The following PRKG2 variants were observed in gnomAD, a reference collection of about 807,000 sequenced individuals.
The protein encoded by PRKG2 is cGMP-dependent protein kinase 2.
PRKG2 carries 33 observed loss-of-function variants against 97.2 expected under a neutral mutation model. The observed-to-expected ratio is 0.34, with a 90% CI of 0.26 to 0.45. The LOEUF is 0.45. Ranked by LOEUF, PRKG2 falls within the 20% of genes least tolerant of loss-of-function variation. The pLI, the probability that PRKG2 is intolerant of heterozygous loss-of-function variation, is 1.00. For missense variants in PRKG2, 638 were observed against 900.0 expected, an observed-to-expected ratio of 0.71 and a Z score of 3.73; for synonymous variants, 330 against 321.8, an observed-to-expected ratio of 1.03 and a Z score of -0.27.
At chr4:81,150,781 C>A (rs775515001) in intron 8 of PRKG2, among the ~76,000 whole-genome samples, 3 of 151,986 alleles carry the variant, frequency 2.0e-5, no homozygotes, top group Non-Finnish European at 2.9e-5. Flanking sequence ...GCGTTAAGAA[C>A]AAAGACACTG....
At chr4:81,155,921 T>C (rs1390988741) in intron 6 of PRKG2, among the ~76,000 whole-genome samples, 1 of 152,034 alleles carries the variant, frequency 6.6e-6, no homozygotes, top group East Asian at 1.9e-4. Context: ...AAAGAGCTCC[T>C]GAAGGAAGCA....
intron 6 of PRKG2, among the ~76,000 whole-genome samples, chr4:81,162,933 C>T (rs2110073940): frequency 6.6e-6 from 1 of 152,260 alleles, no homozygotes; most frequent in East Asian, 1.9e-4. Context: ...TTCTGAAGTG[C>T]TGTTAGGCTG....
At chr4:81,127,584 C>G (rs888264492) in intron 14 of PRKG2, among the ~76,000 whole-genome samples, 5 of 152,064 alleles carry the variant, frequency 3.3e-5, no homozygotes, top group African/African-American at 1.2e-4. Flanking sequence ...GTTTTTTATT[C>G]TCTTTGTAGC....
At chr4:81,153,067 T>C (rs980271073) in intron 7 of PRKG2, among the ~76,000 whole-genome samples, 30 of 152,204 alleles carry the variant, frequency 2.0e-4, no homozygotes, top group African/African-American at 6.8e-4. Context: ...TGAGTCAACA[T>C]TGGAACAACT....
chr4:81,147,462 A>G (rs1293822897), intron 9 of PRKG2, among the ~76,000 whole-genome samples: 3 of 152,134 alleles, frequency 2.0e-5, no homozygotes, highest in East Asian at 3.8e-4. Flanking sequence ...TTCTAGTCCT[A>G]TGTTTTTGCT....
chr4:81,092,875 T>C (rs1741726028), intron 17 of PRKG2, among the ~76,000 whole-genome samples: 2 of 152,158 alleles, frequency 1.3e-5, no homozygotes, highest in South Asian at 4.1e-4. Flanking sequence ...ACATTCTATC[T>C]ATATTCAGTA....
Position 81,092,468 on chromosome 4 carries a change from GGAAGGAA to G in PRKG2, c.2127-23_2127-17del. Reference sequence around the variant, plus strand: ...ATTTAACCACCTGAGAAATGAGAAAGGAAGGAAGGAAGGAAGGAAGGAAGGAAGGAAG... The same window carrying G: ...ATTTAACCACCTGAGAAATGAGAAAGGGAAGGAAGGAAGGAAGGAAGGAAG... On this transcript the variant is annotated splice_polypyrimidine_tract_variant and intron_variant, in intron 17 of 18. Transcript: ENST00000264399. The G allele has an allele frequency of 1.8e-6, 1 of 543,078 alleles. No individual in the cohort carries two copies. The highest frequency in any genetic ancestry group is 3.1e-6 in the Non-Finnish European group (1 of 320,448). The allele number at this position is 543,078 out of a possible 1,614,324, so 33.6% of individuals were successfully genotyped here.
At chr4:81,168,761 C>T (rs79113732) in intron 5 of PRKG2, among the ~76,000 whole-genome samples, 16,558 of 152,020 alleles carry the variant, frequency 0.11, 1,093 homozygotes, top group Middle Eastern at 0.21. Context: ...TGAGAAATCT[C>T]ATTCAATGTT....
intron 5 of PRKG2, among the ~76,000 whole-genome samples, chr4:81,168,587 T>G (rs1750196058): frequency 6.6e-6 from 1 of 152,136 alleles, no homozygotes; most frequent in South Asian, 2.1e-4. Flanking sequence ...TAACCTATGT[T>G]GCTCAGTTGG....
At chr4:81,129,705 T>C (rs1745967425) in intron 14 of PRKG2, among the ~76,000 whole-genome samples, 1 of 152,200 alleles carries the variant, frequency 6.6e-6, no homozygotes, top group African/African-American at 2.4e-5. Flanking sequence ...CCTCCATCCC[T>C]GCATTTTGAG....
intron 12 of PRKG2, among the ~76,000 whole-genome samples, chr4:81,139,781 C>CAAAAAAAAAAAAA (rs548249378): frequency 1.3e-5 from 1 of 75,320 alleles, no homozygotes. Flanking sequence ...TCTCAAAAGA[C>CAAAAAAAAAAAAA]AAAAAAAAAA....
chr4:81,176,566 G>A (rs2110090026), intron 2 of PRKG2, among the ~76,000 whole-genome samples: 1 of 152,268 alleles, frequency 6.6e-6, no homozygotes, highest in Middle Eastern at 3.4e-3. Flanking sequence ...GACTTTATAT[G>A]TTAGTATAAT....
At chr4:81,155,283 G>T (rs1262049436) in intron 6 of PRKG2, among the ~76,000 whole-genome samples, 1 of 151,866 alleles carries the variant, frequency 6.6e-6, no homozygotes, top group Non-Finnish European at 1.5e-5. Flanking sequence ...CGTGAAGAAT[G>T]CAGAAGCCTC....
intron 5 of PRKG2, among the ~76,000 whole-genome samples, chr4:81,169,066 A>G (rs1750235547): frequency 2.0e-5 from 3 of 151,992 alleles, no homozygotes; most frequent in Non-Finnish European, 2.9e-5. Flanking sequence ...TTACACAGAC[A>G]TTTATTTCCT....
intron 2 of PRKG2, among the ~76,000 whole-genome samples, chr4:81,194,311 A>G (rs1560620230): frequency 6.6e-6 from 1 of 152,152 alleles, no homozygotes; most frequent in Admixed American, 6.6e-5. Context: ...GGAAAACGTC[A>G]GTCACCCTAA....
At chr4:81,132,601 AC>A (rs1746287902) in intron 14 of PRKG2, among the ~76,000 whole-genome samples, 2 of 152,080 alleles carry the variant, frequency 1.3e-5, no homozygotes, top group Non-Finnish European at 1.5e-5. Flanking sequence ...CTCACCCAGC[AC>A]GGTTTTCTTT....
At chr4:81,152,416 T>G (rs754155430) in intron 7 of PRKG2, among the ~76,000 whole-genome samples, 63 of 152,196 alleles carry the variant, frequency 4.1e-4, no homozygotes, top group Admixed American at 1.2e-3. Flanking sequence ...AAGCCTAATA[T>G]AGTTGACAAA....
rs1333653354 is a variant in PRKG2 at position 81,144,340 on chromosome 4, T to A, written c.1155-10A>T. 6.3e-7 allele frequency: 1 copy of A among 1,586,316 alleles called. No individual in the cohort carries two copies. The highest frequency in any genetic ancestry group is 1.7e-5 in the Admixed American group (1 of 59,868). ...AGTTTGGTTGAATGTTCTAAATAGA[T>A]AGAATAAAGTAAAATGCTCCGTGCT... On this transcript the variant is annotated splice_polypyrimidine_tract_variant and intron_variant, in intron 9 of 18. Coordinates refer to ENST00000264399, the MANE Select transcript of PRKG2 (RefSeq NM_006259.3).
Position 81,092,469 on chromosome 4 carries a change from G to GAAGGAAGT in PRKG2, c.2127-18_2127-17insACTTCCTT, listed in dbSNP as rs1553916442. On this transcript the variant is annotated splice_polypyrimidine_tract_variant and intron_variant, in intron 17 of 18. Coordinates refer to ENST00000264399, the MANE Select transcript of PRKG2 (RefSeq NM_006259.3). ...TTTAACCACCTGAGAAATGAGAAAG[G>GAAGGAAGT]AAGGAAGGAAGGAAGGAAGGAAGGA... 3.6e-6 allele frequency: 2 copies of GAAGGAAGT among 551,682 alleles called. No homozygotes were observed. Among genetic ancestry groups the GAAGGAAGT allele is most frequent in the Admixed American group, 6.4e-5 (2 of 31,086 alleles). 34.2% of individuals were successfully genotyped at this position (551,682 alleles called of 1,614,324 possible).
Sources: gnomAD v4.1 joint callset for allele counts (sites outside exome capture counted in the v4.1 genomes callset) on GRCh38, gnomAD v4.1.1 for gene constraint, MANE v1.5 for transcripts, NCBI Gene and HGNC (gene_info 2026-07-23, HGNC 2026-07-21) for gene names.